PDGFRL: variants seen among roughly 807,000 people sequenced by gnomAD.
PDGFRL encodes platelet derived growth factor receptor like.
PDGFRL carries 46 observed loss-of-function variants against 37.2 expected under a neutral mutation model. The observed-to-expected ratio is 1.24, with a 90% CI of 0.98 to 1.58. The LOEUF (loss-of-function observed/expected upper bound fraction) is 1.58, where lower values mean the gene tolerates loss of function less well. Among genes scored for constraint, PDGFRL ranks in the 40% most tolerant of loss-of-function variants. The pLI is 0.00. For synonymous variants in PDGFRL, 251 were observed against 184.3 expected, an observed-to-expected ratio of 1.36 and a Z score of -2.93; for missense variants, 692 against 467.6, an observed-to-expected ratio of 1.48 and a Z score of -4.43.
intron 5 of PDGFRL, among the ~76,000 whole-genome samples, chr8:17,640,104 A>C (rs915650561): frequency 7.9e-5 from 12 of 152,018 alleles, no homozygotes; most frequent in African/African-American, 2.9e-4. Flanking sequence ...CATTTCTCTA[A>C]GTGTGTTCTT....
At position 17,634,186 on chromosome 8, in the gene PDGFRL, G is replaced by A. The variant is rs1426643202; in HGVS notation, c.912G>A (p.Glu304=). 7 of 1,613,186 alleles carry A rather than the reference G, an allele frequency of 4.3e-6. No homozygotes were observed. The highest frequency in any genetic ancestry group is 4.0e-5 in the African/African-American group (3 of 74,904). Residue 304 remains glutamate, a synonymous_variant, in exon 5 of 6, where the codon GAG becomes GAA. Coordinates refer to ENST00000251630, the MANE Select transcript of PDGFRL (RefSeq NM_001372073.1). The part of the protein sequence containing the change: ...TVLGEPDVEV[E]FTWIFPGQKD... ...TGGGGGAGCCCGATGTGGAGGTGGA[G>A]TTCACCTGGATCTTCCCAGGGCAGA... is the stretch of plus-strand genomic sequence containing the variant.
At chr8:17,613,664 G>A (rs1167915653) in intron 2 of PDGFRL, among the ~76,000 whole-genome samples, 1 of 152,166 alleles carries the variant, frequency 6.6e-6, no homozygotes, top group African/African-American at 2.4e-5. Flanking sequence ...GATTGCTCAA[G>A]CTCAGGAGTT....
At chr8:17,602,898 A>G (rs552740405) in intron 2 of PDGFRL, among the ~76,000 whole-genome samples, 49 of 152,384 alleles carry the variant, frequency 3.2e-4, no homozygotes, top group African/African-American at 1.2e-3. Flanking sequence ...TGGTCCTTTC[A>G]GCCTTTCAGG....
chr8:17,593,981 GT>G (rs1803997987), intron 2 of PDGFRL, among the ~76,000 whole-genome samples: 2 of 152,054 alleles, frequency 1.3e-5, no homozygotes, highest in Admixed American at 1.3e-4. Context: ...CCTCTAGACC[GT>G]TTTCATCTTG....
At chr8:17,596,722 T>C (rs768146648) in intron 2 of PDGFRL, among the ~76,000 whole-genome samples, 2 of 151,948 alleles carry the variant, frequency 1.3e-5, no homozygotes, top group Non-Finnish European at 2.9e-5. Context: ...AAGAAAGTAA[T>C]GACAGATGTG....
chr8:17,606,940 G>A (rs1482687120), intron 2 of PDGFRL, among the ~76,000 whole-genome samples: 4 of 141,682 alleles, frequency 2.8e-5, no homozygotes, highest in African/African-American at 1.1e-4. Context: ...CTGTCACCCA[G>A]GCTGGAGTGC....
At chr8:17,619,324 T>C (rs752877985) in intron 2 of PDGFRL, among the ~76,000 whole-genome samples, 2 of 152,210 alleles carry the variant, frequency 1.3e-5, no homozygotes, top group Non-Finnish European at 2.9e-5. Flanking sequence ...CACAATATAA[T>C]AGAATTAATT....
intron 5 of PDGFRL, among the ~76,000 whole-genome samples, chr8:17,641,422 G>A (rs900899267): frequency 6.6e-6 from 1 of 152,158 alleles, no homozygotes; most frequent in South Asian, 2.1e-4. Flanking sequence ...GACAAAGTCA[G>A]AAATGGCTTC....
intron 3 of PDGFRL, among the ~76,000 whole-genome samples, chr8:17,623,478 C>A (rs1004392067): frequency 6.6e-6 from 1 of 152,172 alleles, no homozygotes; most frequent in Non-Finnish European, 1.5e-5. Flanking sequence ...TTTCAAGTTG[C>A]AGAAGGAAGA....
chr8:17,585,528 G>T (rs1420241163), intron 1 of PDGFRL, among the ~76,000 whole-genome samples: 1 of 152,212 alleles, frequency 6.6e-6, no homozygotes, highest in East Asian at 1.9e-4. Context: ...GTGTTCCTGT[G>T]GGGTGTTTCA....
intron 2 of PDGFRL, among the ~76,000 whole-genome samples, chr8:17,601,761 C>T (rs768574385): frequency 1.3e-5 from 2 of 152,142 alleles, no homozygotes; most frequent in Admixed American, 1.3e-4. Flanking sequence ...AGGATAATGG[C>T]CTCCAGCTGC....
chr8:17,595,419 C>T (rs2427709), intron 2 of PDGFRL, among the ~76,000 whole-genome samples: 118,805 of 152,150 alleles, frequency 0.78, 49,492 homozygotes, highest in Non-Finnish European at 0.93. Flanking sequence ...GGGTAGGGGC[C>T]ATGCCCCACC....
At chr8:17,622,183 C>A (rs1804648581) in intron 3 of PDGFRL, among the ~76,000 whole-genome samples, 1 of 152,208 alleles carries the variant, frequency 6.6e-6, no homozygotes, top group Non-Finnish European at 1.5e-5. Context: ...AATAACTGCT[C>A]AGCCTCTTTC....
chr8:17,618,239 AG>A (rs1464306047), intron 2 of PDGFRL, among the ~76,000 whole-genome samples: 1 of 151,886 alleles, frequency 6.6e-6, no homozygotes, highest in African/African-American at 2.4e-5. Context: ...AATTTTTTGT[AG>A]ATATGGGGTT....
chr8:17,621,216 T>C lies in PDGFRL; in HGVS notation c.505+14T>C, dbSNP rs765163684. On this transcript the variant is annotated intron_variant, in intron 3 of 5. Transcript: ENST00000251630. ...TCTTTTTTACAGGTAAAATACTTGGTGCATTAATGGAACTCTTCAAACTTC... is the reference window on the plus strand; with the variant it reads ...TCTTTTTTACAGGTAAAATACTTGGCGCATTAATGGAACTCTTCAAACTTC... The C allele has an allele frequency of 2.5e-6, 4 of 1,587,234 alleles. No individual in the cohort carries two copies.
At chr8:17,640,705 G>A (rs1480359558) in intron 5 of PDGFRL, among the ~76,000 whole-genome samples, 1 of 152,100 alleles carries the variant, frequency 6.6e-6, no homozygotes, top group Non-Finnish European at 1.5e-5. Context: ...ACTCTGTGAG[G>A]GTCCTTAGTT....
At chr8:17,589,404 T>C (rs1276720076) in intron 1 of PDGFRL, 64 bp from the exon 2 acceptor site, 5 of 1,247,282 alleles carry the variant, frequency 4.0e-6, no homozygotes, top group East Asian at 2.3e-5. Context: ...AAAAAAGTTA[T>C]TGGCCTCAAA....
intron 2 of PDGFRL, among the ~76,000 whole-genome samples, chr8:17,614,185 C>G (rs573465356): frequency 6.6e-6 from 1 of 152,248 alleles, no homozygotes; most frequent in East Asian, 1.9e-4. Context: ...TAGAGCTATT[C>G]CAGCCTAATT....
chr8:17,641,124 C>T (rs577553003), intron 5 of PDGFRL, among the ~76,000 whole-genome samples: 290 of 152,298 alleles, frequency 1.9e-3, no homozygotes, highest in African/African-American at 6.6e-3. Flanking sequence ...TCCCTCTGTC[C>T]CTGCCAACAG....
Sources: gnomAD v4.1 joint callset for allele counts (sites outside exome capture counted in the v4.1 genomes callset) on GRCh38, gnomAD v4.1.1 for gene constraint, MANE v1.5 for transcripts, NCBI Gene and HGNC (gene_info 2026-07-23, HGNC 2026-07-21) for gene names.